TSPAN18: variants seen among roughly 807,000 people sequenced by gnomAD.
TSPAN18 encodes the protein tetraspanin 18.
A neutral mutation model predicts 27.3 loss-of-function variants in TSPAN18; 14 were observed. The observed-to-expected ratio is 0.51, with a 90% CI of 0.34 to 0.80. TSPAN18 has a LOEUF of 0.80. Ranked by LOEUF, TSPAN18 falls within the 30% of genes least tolerant of loss-of-function variation. The probability of loss-of-function intolerance (pLI) is 0.01; values close to 1 mark genes in which losing one functional copy is unlikely to be tolerated. For synonymous variants in TSPAN18, 143 were observed against 136.5 expected (o/e 1.05, Z -0.33); for missense variants, 268 against 323.9 (o/e 0.83, Z 1.32).
At chr11:44,789,198 G>A (rs984851165) in intron 2 of TSPAN18, among the ~76,000 whole-genome samples, 7 of 152,182 alleles carry the variant, frequency 4.6e-5, no homozygotes, top group Admixed American at 6.5e-5. Context: ...TTTGCGTGAC[G>A]CAGAGCCGTG....
chr11:44,816,018 A>G (rs1201568118), intron 2 of TSPAN18, among the ~76,000 whole-genome samples: 1 of 152,226 alleles, frequency 6.6e-6, no homozygotes, highest in Non-Finnish European at 1.5e-5. Flanking sequence ...ACCAGAATAT[A>G]AAAACCTGAG....
chr11:44,910,145 A>T (rs1859654691), intron 5 of TSPAN18, among the ~76,000 whole-genome samples: 1 of 152,142 alleles, frequency 6.6e-6, no homozygotes, highest in Non-Finnish European at 1.5e-5. Flanking sequence ...AGCAGAGGGG[A>T]TGATACAGAC....
chr11:44,881,013 A>G (rs1455152346), intron 3 of TSPAN18, among the ~76,000 whole-genome samples: 1 of 152,228 alleles, frequency 6.6e-6, no homozygotes, highest in East Asian at 1.9e-4. Flanking sequence ...CTGGGAGAAC[A>G]GTAATGTTGG....
At chr11:44,845,120 G>T (rs567591856) in intron 2 of TSPAN18, among the ~76,000 whole-genome samples, 2 of 152,336 alleles carry the variant, frequency 1.3e-5, no homozygotes, top group South Asian at 4.1e-4. Flanking sequence ...TATTAGAGAG[G>T]TAATGTCCCA....
chr11:44,846,537 C>T (rs1437518607), intron 2 of TSPAN18, among the ~76,000 whole-genome samples: 1 of 151,968 alleles, frequency 6.6e-6, no homozygotes, highest in Non-Finnish European at 1.5e-5. Context: ...TCTAAGGAGG[C>T]CCGAATATTT....
At chr11:44,796,028 T>G (rs896727) in intron 2 of TSPAN18, among the ~76,000 whole-genome samples, 1,937 of 152,172 alleles carry the variant, frequency 0.013, 49 homozygotes, top group African/African-American at 0.044. Flanking sequence ...CTGGCCTTCC[T>G]GTGGTCCCTC....
intron 2 of TSPAN18, among the ~76,000 whole-genome samples, chr11:44,765,652 G>A (rs1322497655): frequency 1.3e-5 from 2 of 152,112 alleles, no homozygotes; most frequent in Non-Finnish European, 2.9e-5. Flanking sequence ...ACATAGCACT[G>A]AGTAATGTCA....
intron 2 of TSPAN18, among the ~76,000 whole-genome samples, chr11:44,811,175 C>CACACACACACA (rs1554986590): frequency 4.7e-5 from 7 of 149,422 alleles, no homozygotes; most frequent in South Asian, 2.1e-4. Context: ...CACACACACA[C>CACACACACACA]CCCTGCCTGT....
intron 3 of TSPAN18, among the ~76,000 whole-genome samples, chr11:44,880,811 G>C (rs949291733): frequency 6.6e-6 from 1 of 152,264 alleles, no homozygotes; most frequent in Non-Finnish European, 1.5e-5. Flanking sequence ...ATGGGAAAGT[G>C]ACTGATTCCT....
At chr11:44,766,580 GA>G (rs1421263507) in intron 2 of TSPAN18, among the ~76,000 whole-genome samples, 6 of 152,184 alleles carry the variant, frequency 3.9e-5, no homozygotes, top group African/African-American at 1.4e-4. Context: ...CGGTGTATAA[GA>G]GTAAAAAATC....
intron 2 of TSPAN18, among the ~76,000 whole-genome samples, chr11:44,787,624 T>C (rs760604113): frequency 9.2e-5 from 14 of 152,174 alleles, no homozygotes; most frequent in Non-Finnish European, 1.5e-4. Context: ...CAATCTGACT[T>C]AATAGGCTTC....
intron 2 of TSPAN18, among the ~76,000 whole-genome samples, chr11:44,775,996 C>T (rs1855797603): frequency 1.3e-5 from 2 of 152,142 alleles, no homozygotes; most frequent in Admixed American, 1.3e-4. Context: ...GTATTAGCTG[C>T]TCCCTGGTTT....
rs1554938043 is a variant in TSPAN18 at position 44,908,769 on chromosome 11, G to GAAAGGAAAGAAAGAAAGAA, written c.64-935_64-934insAAGGAAAGAAAGAAAGAAA. ...AAGAGAGAGAGAGAGAGAGAGAAAG[G>GAAAGGAAAGAAAGAAAGAA]AGAAAGAAAGAAAGAAAGAAAGAAA... On this transcript the variant is annotated intron_variant, in intron 4 of 9. Transcript: ENST00000520358. Among the ~76,000 whole-genome samples the GAAAGGAAAGAAAGAAAGAA allele has an allele frequency of 4.1e-3, 293 of 71,692 alleles. 24 individuals are homozygous for GAAAGGAAAGAAAGAAAGAA. Among genetic ancestry groups the GAAAGGAAAGAAAGAAAGAA allele is most frequent in the East Asian group, 0.011 (26 of 2,296 alleles). The allele number at this position is 71,692 out of a possible 152,430, so 47.0% of individuals were successfully genotyped here. A position where few individuals can be genotyped will look rare whatever the true frequency, so the allele number is the denominator to read the frequency against.
At chr11:44,843,085 A>G (rs990057616) in intron 2 of TSPAN18, among the ~76,000 whole-genome samples, 2 of 152,268 alleles carry the variant, frequency 1.3e-5, no homozygotes, top group East Asian at 1.9e-4. Context: ...CCTTCCATAT[A>G]TATCTAATAT....
intron 3 of TSPAN18, among the ~76,000 whole-genome samples, chr11:44,890,192 G>T (rs1432645868): frequency 6.6e-6 from 1 of 152,232 alleles, no homozygotes; most frequent in Non-Finnish European, 1.5e-5. Context: ...GACAGATGAG[G>T]TGAGCCATTA....
chr11:44,819,389 C>T (rs1856880701), intron 2 of TSPAN18, among the ~76,000 whole-genome samples: 1 of 152,114 alleles, frequency 6.6e-6, no homozygotes, highest in Non-Finnish European at 1.5e-5. Flanking sequence ...TCGCAGGGGC[C>T]CAGGGAACTT....
Position 44,909,616 on chromosome 11 carries a change from G to A in TSPAN18, c.64-89G>A. 5 of 1,406,754 alleles carry A rather than the reference G, an allele frequency of 3.6e-6. No individual in the cohort carries two copies. The South Asian group carries it at 4.0e-5, about 11-fold the overall frequency. 87.1% of individuals were successfully genotyped at this position (1,406,754 alleles called of 1,614,324 possible). ...CCTAGTGCTTGATGCCTCTGACCCT[G>A]GGGCTGGCTCAGGGGAGTGGTGGGT... On this transcript the variant is annotated intron_variant, in intron 4 of 9. Transcript: ENST00000520358.
chr11:44,888,320 G>T (rs374056504), intron 3 of TSPAN18, among the ~76,000 whole-genome samples: 1 of 151,884 alleles, frequency 6.6e-6, no homozygotes, highest in Non-Finnish European at 1.5e-5. Context: ...TTTACCCCTG[G>T]GTAACTCAGG....
At chr11:44,909,069 A>G (rs1438883346) in intron 4 of TSPAN18, among the ~76,000 whole-genome samples, 1 of 152,152 alleles carries the variant, frequency 6.6e-6, no homozygotes, top group Non-Finnish European at 1.5e-5. Context: ...ATGTTGATGG[A>G]GACATAAATA....
Sources: allele counts gnomAD v4.1 joint callset (sites outside exome capture counted in the v4.1 genomes callset), GRCh38; gene constraint gnomAD v4.1.1; transcripts MANE v1.5; gene names NCBI Gene and HGNC (gene_info 2026-07-23, HGNC 2026-07-21).